The following MACROD2 variants were observed in gnomAD, a reference collection of about 807,000 sequenced individuals.
MACROD2 encodes mono-ADP ribosylhydrolase 2.
A neutral mutation model predicts 70.4 loss-of-function variants in MACROD2; 36 were observed. The ratio of observed to expected loss-of-function variants is 0.51; its 90% CI spans 0.39 to 0.68. The LOEUF (loss-of-function observed/expected upper bound fraction) is 0.68, where lower values mean the gene tolerates loss of function less well. MACROD2 is among the 30% of genes least tolerant of loss of function. The pLI, the probability that MACROD2 is intolerant of heterozygous loss-of-function variation, is 0.00. For missense variants in MACROD2, 496 were observed against 538.4 expected (o/e 0.92, Z 0.78); for synonymous variants, 172 against 178.8 (o/e 0.96, Z 0.30).
intron 8 of MACROD2, among the ~76,000 whole-genome samples, chr20:15,678,937 T>C (rs146908145): frequency 6.6e-6 from 1 of 151,960 alleles, no homozygotes; most frequent in Non-Finnish European, 1.5e-5. Context: ...GAATGTGGAG[T>C]TGAAAAGAGA....
intron 5 of MACROD2, among the ~76,000 whole-genome samples, chr20:15,047,038 G>T (rs1480448679): frequency 3.3e-5 from 5 of 152,140 alleles, no homozygotes; most frequent in Admixed American, 2.6e-4. Context: ...GCCCTTGGCT[G>T]AAAAGCACAT....
intron 8 of MACROD2, among the ~76,000 whole-genome samples, chr20:15,583,449 C>A (rs1362813195): frequency 6.6e-6 from 1 of 152,204 alleles, no homozygotes; most frequent in Non-Finnish European, 1.5e-5. Flanking sequence ...AATCCTGCTT[C>A]ATTTTCTGCG....
At chr20:14,907,029 C>T (rs1452027020) in intron 5 of MACROD2, among the ~76,000 whole-genome samples, 2 of 152,112 alleles carry the variant, frequency 1.3e-5, no homozygotes, top group African/African-American at 4.8e-5. Context: ...GACACTGGAC[C>T]AAATTGCGGA....
intron 3 of MACROD2, among the ~76,000 whole-genome samples, chr20:14,327,895 T>C (rs1256132861): frequency 2.0e-5 from 3 of 152,128 alleles, no homozygotes; most frequent in African/African-American, 7.2e-5. Context: ...CTGATCAAGC[T>C]AATTGAATAT....
chr20:14,913,662 G>A (rs1388035317), intron 5 of MACROD2, among the ~76,000 whole-genome samples: 2 of 152,100 alleles, frequency 1.3e-5, no homozygotes, highest in Non-Finnish European at 2.9e-5. Flanking sequence ...ATTCTTGCCT[G>A]GATGACAGAG....
At chr20:14,196,552 A>G (rs1274723292) in intron 3 of MACROD2, among the ~76,000 whole-genome samples, 1 of 152,222 alleles carries the variant, frequency 6.6e-6, no homozygotes, top group Non-Finnish European at 1.5e-5. Flanking sequence ...CTGACACCAA[A>G]TATTAGTTTG....
intron 4 of MACROD2, among the ~76,000 whole-genome samples, chr20:14,553,882 A>G (rs1487364547): frequency 6.6e-6 from 1 of 152,142 alleles, no homozygotes; most frequent in African/African-American, 2.4e-5. Context: ...GGTCTAAGAC[A>G]TTTCAAAATT....
At chr20:15,805,279 C>T (rs1052470799) in intron 8 of MACROD2, among the ~76,000 whole-genome samples, 3 of 152,008 alleles carry the variant, frequency 2.0e-5, no homozygotes, top group African/African-American at 7.3e-5. Flanking sequence ...GGCTTCTGAA[C>T]AAGAGAAGGG....
chr20:15,076,311 T>C (rs1268116490), intron 5 of MACROD2, among the ~76,000 whole-genome samples: 1 of 152,150 alleles, frequency 6.6e-6, no homozygotes, highest in African/African-American at 2.4e-5. Flanking sequence ...AATAAATCAA[T>C]TTCTGCTTTG....
chr20:14,794,298 C>G (rs1218145318), intron 5 of MACROD2, among the ~76,000 whole-genome samples: 13 of 152,130 alleles, frequency 8.5e-5, no homozygotes, highest in Non-Finnish European at 1.9e-4. Context: ...TTCCTACTTA[C>G]TATGTCACCA....
At chr20:15,486,979 G>T (rs1402875927) in intron 7 of MACROD2, among the ~76,000 whole-genome samples, 1 of 152,218 alleles carries the variant, frequency 6.6e-6, no homozygotes, top group Non-Finnish European at 1.5e-5. Flanking sequence ...AACCAAGCTG[G>T]ACTCTTGGCT....
At chr20:14,683,158 C>T (rs188172493) in intron 4 of MACROD2, among the ~76,000 whole-genome samples, 6 of 152,248 alleles carry the variant, frequency 3.9e-5, no homozygotes, top group African/African-American at 1.4e-4. Flanking sequence ...GGATTACAGG[C>T]ATGAGCCACT....
chr20:15,688,290 C>T (rs1303649446), intron 8 of MACROD2, among the ~76,000 whole-genome samples: 1 of 152,194 alleles, frequency 6.6e-6, no homozygotes, highest in African/African-American at 2.4e-5. Flanking sequence ...TCGTACCATA[C>T]TCTGAATCTT....
chr20:15,553,241 C>T (rs2048122317), intron 8 of MACROD2, among the ~76,000 whole-genome samples: 1 of 152,086 alleles, frequency 6.6e-6, no homozygotes, highest in Non-Finnish European at 1.5e-5. Context: ...ATAACCCATC[C>T]CTCTCCATCA....
chr20:15,140,448 G>A (rs538566751), intron 5 of MACROD2, among the ~76,000 whole-genome samples: 1 of 152,252 alleles, frequency 6.6e-6, no homozygotes, highest in East Asian at 1.9e-4. Context: ...TAACCGAGAT[G>A]AAAATTGTTG....
chr20:15,428,703 C>T (rs1037480138), intron 6 of MACROD2, among the ~76,000 whole-genome samples: 1 of 152,166 alleles, frequency 6.6e-6, no homozygotes, highest in Non-Finnish European at 1.5e-5. Context: ...TTAACTGCAT[C>T]TTTCAGTCAT....
At chr20:14,838,592 A>G (rs112958492) in intron 5 of MACROD2, among the ~76,000 whole-genome samples, 2 of 152,268 alleles carry the variant, frequency 1.3e-5, no homozygotes, top group African/African-American at 4.8e-5. Flanking sequence ...AATAGCATAA[A>G]TTTACTTTTA....
chr20:15,491,948 A>C (rs956607933), intron 7 of MACROD2, among the ~76,000 whole-genome samples: 1 of 152,250 alleles, frequency 6.6e-6, no homozygotes, highest in Non-Finnish European at 1.5e-5. Flanking sequence ...TACCAAAGCC[A>C]GATCACAAAA....
chr20:15,859,479 G>A (rs2064395745), intron 8 of MACROD2, among the ~76,000 whole-genome samples: 1 of 152,182 alleles, frequency 6.6e-6, no homozygotes, highest in South Asian at 2.1e-4. Context: ...GACACAGTCT[G>A]CCACAAGCAC....
Sources: gnomAD v4.1 joint callset for allele counts (sites outside exome capture counted in the v4.1 genomes callset) on GRCh38, gnomAD v4.1.1 for gene constraint, MANE v1.5 for transcripts, NCBI Gene and HGNC (gene_info 2026-07-23, HGNC 2026-07-21) for gene names.